The following SIPA1L1 variants were observed in gnomAD, a reference collection of about 807,000 sequenced individuals.
SIPA1L1 encodes the protein signal-induced proliferation-associated 1-like protein 1.
In SIPA1L1, 26 loss-of-function variants were observed where a neutral mutation model predicts 162.7. The ratio of observed to expected loss-of-function variants is 0.16; its 90% CI spans 0.12 to 0.22. The LOEUF is 0.22. Ranked by LOEUF, SIPA1L1 falls within the 10% of genes least tolerant of loss-of-function variation. The pLI is 1.00. For missense variants in SIPA1L1, 1,874 were observed against 2,241.0 expected (o/e 0.84, Z 3.31); for synonymous variants, 829 against 837.4 (o/e 0.99, Z 0.17).
chr14:71,433,549 T>C (rs188695488), intron 2 of SIPA1L1, among the ~76,000 whole-genome samples: 1 of 152,266 alleles, frequency 6.6e-6, no homozygotes, highest in East Asian at 1.9e-4. Flanking sequence ...ACTCTTGAGC[T>C]CAAGGGATCC....
At chr14:71,559,832 C>A (rs2056641395) in intron 4 of SIPA1L1, among the ~76,000 whole-genome samples, 1 of 148,416 alleles carries the variant, frequency 6.7e-6, no homozygotes, top group Non-Finnish European at 1.5e-5. Context: ...ATTATATAAA[C>A]TTTTTTTTTT....
intron 2 of SIPA1L1, among the ~76,000 whole-genome samples, chr14:71,394,366 GAAAATGGTTTGT>G (rs1405851626): frequency 6.6e-6 from 1 of 152,206 alleles, no homozygotes; most frequent in Non-Finnish European, 1.5e-5. Context: ...TTTGTAGCTA[GAAAATGGTTTGT>G]AAAATGGTTT....
chr14:71,354,705 C>T (rs939584033), intron 2 of SIPA1L1, among the ~76,000 whole-genome samples: 1 of 152,040 alleles, frequency 6.6e-6, no homozygotes, highest in Admixed American at 6.6e-5. Flanking sequence ...CAGACATTCT[C>T]TATGAAATTT....
intron 2 of SIPA1L1, among the ~76,000 whole-genome samples, chr14:71,494,685 T>C (rs2049586761): frequency 6.6e-6 from 1 of 151,960 alleles, no homozygotes; most frequent in Non-Finnish European, 1.5e-5. Flanking sequence ...CGCAACCTCA[T>C]CCAGCTAATT....
At position 71,412,133 on chromosome 14, in the gene SIPA1L1, G is replaced by T. The variant is rs567138364; in HGVS notation, c.-465+90952G>T. 3.6e-4 allele frequency among the ~76,000 whole-genome samples: 55 copies of T among 152,282 alleles called. No individual in the cohort carries two copies. In the South Asian group the frequency reaches 0.011, roughly 30 times the overall value. ...CCTATTCTATGGGTGCAAGCTGCAG[G>T]CCAGTTGTGTAAAAACAGCAAGTTT... On this transcript the variant is annotated intron_variant, in intron 2 of 23. Coordinates refer to ENST00000381232, the MANE Select transcript of SIPA1L1 (RefSeq NM_001386936.1).
chr14:71,690,358 T>C (rs930595060), intron 13 of SIPA1L1, among the ~76,000 whole-genome samples: 3 of 152,068 alleles, frequency 2.0e-5, no homozygotes, highest in African/African-American at 7.2e-5. Flanking sequence ...CCCACCTCAA[T>C]CTGCTGAGTA....
chr14:71,379,746 AC>A, intron 2 of SIPA1L1: 1 of 152,330 alleles, frequency 6.6e-6, no homozygotes, highest in East Asian at 1.9e-4. Flanking sequence ...TGATTTGAAA[AC>A]TAATGTATTT....
chr14:71,487,195 T>C (rs1402510056), intron 2 of SIPA1L1, among the ~76,000 whole-genome samples: 3 of 152,222 alleles, frequency 2.0e-5, no homozygotes, highest in Non-Finnish European at 4.4e-5. Context: ...AGCCTTCTTT[T>C]CACATGCGTG....
intron 17 of SIPA1L1, among the ~76,000 whole-genome samples, chr14:71,721,277 T>C (rs1385109988): frequency 1.3e-5 from 2 of 152,210 alleles, no homozygotes; most frequent in Non-Finnish European, 2.9e-5. Flanking sequence ...TGTCTCTCTC[T>C]CTCTCTTCCC....
At chr14:71,592,381 T>C (rs1383042490) in intron 5 of SIPA1L1, among the ~76,000 whole-genome samples, 1 of 152,176 alleles carries the variant, frequency 6.6e-6, no homozygotes, top group Non-Finnish European at 1.5e-5. Context: ...ATAAAACATA[T>C]CTAAACAAAC....
At chr14:71,719,679 G>T (rs1320897286) in intron 17 of SIPA1L1, among the ~76,000 whole-genome samples, 2 of 152,062 alleles carry the variant, frequency 1.3e-5, no homozygotes, top group East Asian at 3.9e-4. Flanking sequence ...TTTTAGTAGA[G>T]ACAGGGTTTC....
intron 4 of SIPA1L1, among the ~76,000 whole-genome samples, chr14:71,564,800 T>C (rs1328129806): frequency 6.6e-6 from 1 of 152,184 alleles, no homozygotes; most frequent in African/African-American, 2.4e-5. Flanking sequence ...TCCTTGGCAT[T>C]TTCTTTCTTC....
chr14:71,612,733 T>G (rs2038375766), intron 5 of SIPA1L1, among the ~76,000 whole-genome samples: 1 of 152,214 alleles, frequency 6.6e-6, no homozygotes, highest in Admixed American at 6.5e-5. Context: ...TTCTTTGCCT[T>G]GTACACACAT....
chr14:71,462,306 A>G (rs2046663661), intron 2 of SIPA1L1, among the ~76,000 whole-genome samples: 1 of 152,162 alleles, frequency 6.6e-6, no homozygotes, highest in South Asian at 2.1e-4. Flanking sequence ...AGGGCTCCAA[A>G]CAGCATCCAC....
intron 2 of SIPA1L1, among the ~76,000 whole-genome samples, chr14:71,382,319 G>C (rs1337378156): frequency 6.6e-6 from 1 of 152,188 alleles, no homozygotes; most frequent in Non-Finnish European, 1.5e-5. Flanking sequence ...GGTGGTTCTA[G>C]ACTAGCTTTT....
intron 4 of SIPA1L1, among the ~76,000 whole-genome samples, chr14:71,542,365 T>C (rs371025054): frequency 8.9e-6 from 1 of 112,530 alleles, no homozygotes; most frequent in African/African-American, 3.2e-5. Flanking sequence ...TTTCTTCTTC[T>C]TCCTGCTGCT....
chr14:71,528,648 A>T (rs962368627), intron 3 of SIPA1L1: 1 of 152,042 alleles, frequency 6.6e-6, no homozygotes, highest in Non-Finnish European at 1.5e-5. Context: ...ATGATACTCC[A>T]TCTCAAAAAG....
intron 2 of SIPA1L1, among the ~76,000 whole-genome samples, chr14:71,351,417 A>G (rs983755397): frequency 3.3e-5 from 5 of 152,222 alleles, no homozygotes; most frequent in Non-Finnish European, 7.3e-5. Context: ...GGAATATTTC[A>G]TGATTTATGT....
chr14:71,349,192 T>A (rs1040147911), intron 2 of SIPA1L1, among the ~76,000 whole-genome samples: 1 of 152,184 alleles, frequency 6.6e-6, no homozygotes, highest in African/African-American at 2.4e-5. Context: ...GTAATGTGAT[T>A]GCACAAAAAG....
Sources: gnomAD v4.1 joint callset for allele counts (sites outside exome capture counted in the v4.1 genomes callset) on GRCh38, gnomAD v4.1.1 for gene constraint, MANE v1.5 for transcripts, NCBI Gene and HGNC (gene_info 2026-07-23, HGNC 2026-07-21) for gene names.